The following NRXN3 variants were observed in gnomAD, a reference collection of about 807,000 sequenced individuals.
The protein encoded by NRXN3 is neurexin 3, also known as neurexin III.
Under a neutral mutation model 137.6 loss-of-function variants are expected in NRXN3, and 32 were observed. That is an observed-to-expected ratio of 0.23 (90% CI 0.18 to 0.31). The LOEUF (loss-of-function observed/expected upper bound fraction) is 0.31. Ranked by LOEUF, NRXN3 falls within the 10% of genes least tolerant of loss-of-function variation. The pLI is 1.00. For synonymous variants in NRXN3, 798 were observed against 784.5 expected (o/e 1.02, Z -0.29); for missense variants, 1,574 against 2,062.5 (o/e 0.76, Z 4.59).
At chr14:78,941,197 A>C (rs1487294172) in intron 10 of NRXN3, among the ~76,000 whole-genome samples, 1 of 152,212 alleles carries the variant, frequency 6.6e-6, no homozygotes, top group Non-Finnish European at 1.5e-5. Context: ...CTTAAAATCA[A>C]TGAGAAGTAG....
intron 10 of NRXN3, among the ~76,000 whole-genome samples, chr14:78,851,954 G>A (rs1008406910): frequency 2.6e-5 from 4 of 152,012 alleles, no homozygotes; most frequent in Admixed American, 1.3e-4. Flanking sequence ...GACCTTAATA[G>A]ACCTTTATTT....
At chr14:79,294,686 T>A (rs977868341) in intron 15 of NRXN3, among the ~76,000 whole-genome samples, 1 of 152,148 alleles carries the variant, frequency 6.6e-6, no homozygotes, top group Non-Finnish European at 1.5e-5. Flanking sequence ...GGTTCTTCAG[T>A]ATAAGAAGGA....
intron 1 of NRXN3, among the ~76,000 whole-genome samples, chr14:78,237,617 A>G (rs1489580349): frequency 1.3e-5 from 2 of 152,178 alleles, no homozygotes; most frequent in Admixed American, 6.5e-5. Context: ...CTCAAATTCA[A>G]CTTCAAGTCT....
At chr14:79,858,737 C>A (rs760796012) in intron 20 of NRXN3, among the ~76,000 whole-genome samples, 6 of 152,020 alleles carry the variant, frequency 3.9e-5, no homozygotes, top group Non-Finnish European at 8.8e-5. Flanking sequence ...CCTTCACTTC[C>A]TCTCTCTCAT....
At chr14:79,266,583 A>G (rs986021442) in intron 15 of NRXN3, among the ~76,000 whole-genome samples, 1 of 152,122 alleles carries the variant, frequency 6.6e-6, no homozygotes, top group African/African-American at 2.4e-5. Flanking sequence ...TCAAAGTATA[A>G]TTGATTTTGT....
Position 79,641,851 on chromosome 14 carries a change from A to G in NRXN3, c.3445-21927A>G, listed in dbSNP as rs2098435475. ...ATCTGCTTCATTATAGGAACATTCT[A>G]CTGGAGAAAAAAGTCTATCATTATT... is the stretch of plus-strand genomic sequence containing the variant. On this transcript the variant is annotated intron_variant, in intron 16 of 20. Coordinates refer to ENST00000335750, the MANE Select transcript of NRXN3 (RefSeq NM_001330195.2). Among the ~76,000 whole-genome samples the G allele has an allele frequency of 1.5e-5, 2 of 135,234 alleles. 1 individual carries two copies. Among genetic ancestry groups the G allele is most frequent in the Non-Finnish European group, 3.4e-5 (2 of 58,160 alleles). The allele number at this position is 135,234 out of a possible 152,430, so 88.7% of individuals were successfully genotyped here.
chr14:79,514,001 C>G (rs2096957951), intron 16 of NRXN3, among the ~76,000 whole-genome samples: 2 of 152,096 alleles, frequency 1.3e-5, no homozygotes, highest in African/African-American at 4.8e-5. Flanking sequence ...CAAATTAATA[C>G]ATAAAATACA....
intron 15 of NRXN3, among the ~76,000 whole-genome samples, chr14:79,284,728 G>A (rs1307298675): frequency 6.6e-6 from 1 of 152,032 alleles, no homozygotes; most frequent in Non-Finnish European, 1.5e-5. Flanking sequence ...AGTCTTTCTT[G>A]GACTCATTCC....
chr14:79,015,087 C>G (rs561535924), intron 15 of NRXN3, among the ~76,000 whole-genome samples: 1 of 152,118 alleles, frequency 6.6e-6, no homozygotes, highest in African/African-American at 2.4e-5. Context: ...CTCTTGGTGA[C>G]AGATGTTCCT....
chr14:78,556,816 C>A (rs2096740922), intron 4 of NRXN3, among the ~76,000 whole-genome samples: 1 of 151,768 alleles, frequency 6.6e-6, no homozygotes, highest in Non-Finnish European at 1.5e-5. Context: ...TTCTCCCTAG[C>A]AGTTGATGGT....
At chr14:79,128,884 C>T (rs879322963) in intron 15 of NRXN3, among the ~76,000 whole-genome samples, 2,216 of 151,674 alleles carry the variant, frequency 0.015, 45 homozygotes, top group African/African-American at 0.051. Context: ...AGAGATTCAA[C>T]TTCTTCCTGG....
chr14:79,702,837 C>T (rs553750464), intron 19 of NRXN3, among the ~76,000 whole-genome samples: 1 of 151,930 alleles, frequency 6.6e-6, no homozygotes, highest in African/African-American at 2.4e-5. Flanking sequence ...ACTCAGTCTA[C>T]ACTCAAATTC....
At chr14:78,250,219 A>G in intron 2 of NRXN3, 1 of 375,048 alleles carries the variant, frequency 2.7e-6, no homozygotes, top group East Asian at 7.8e-5. Context: ...CCACCATGCT[A>G]TCTTGACTCT....
At chr14:78,748,427 C>A (rs757813280) in intron 8 of NRXN3, among the ~76,000 whole-genome samples, 24 of 151,932 alleles carry the variant, frequency 1.6e-4, no homozygotes, top group African/African-American at 5.6e-4. Flanking sequence ...CCAGCGGATG[C>A]GGTAGGAAAT....
chr14:79,745,956 A>T (rs946813388), intron 19 of NRXN3, among the ~76,000 whole-genome samples: 1 of 152,082 alleles, frequency 6.6e-6, no homozygotes, highest in Middle Eastern at 3.2e-3. Context: ...GTCTCACTCA[A>T]CTCCAGTATG....
chr14:79,850,728 AC>A lies in NRXN3; in HGVS notation c.4094-10612del, dbSNP rs565447805. ...TGAAATCAGGCAGTTATTAATAAAAACCTAGTGTAGATAGCTAATGAAAGAT... is the reference window on the plus strand; with the variant it reads ...TGAAATCAGGCAGTTATTAATAAAAACTAGTGTAGATAGCTAATGAAAGAT... On this transcript the variant is annotated intron_variant, in intron 20 of 20. Transcript: ENST00000335750. Among the ~76,000 whole-genome samples, 12 of 152,294 alleles carry A rather than the reference AC, an allele frequency of 7.9e-5. No homozygotes were observed. The South Asian group carries it at 2.1e-3, about 26-fold the overall frequency.
At chr14:78,306,375 A>T (rs968106883) in intron 4 of NRXN3, among the ~76,000 whole-genome samples, 2 of 152,202 alleles carry the variant, frequency 1.3e-5, no homozygotes, top group African/African-American at 4.8e-5. Flanking sequence ...CTTAGAAGAT[A>T]TATAATTTTC....
intron 10 of NRXN3, among the ~76,000 whole-genome samples, chr14:78,850,425 A>G (rs917407369): frequency 3.3e-5 from 5 of 152,180 alleles, no homozygotes; most frequent in African/African-American, 1.2e-4. Context: ...TAACCATAGT[A>G]CATTTGAATA....
chr14:79,557,093 T>G (rs528299013), intron 16 of NRXN3, among the ~76,000 whole-genome samples: 20 of 152,214 alleles, frequency 1.3e-4, no homozygotes, highest in African/African-American at 4.8e-4. Flanking sequence ...TGGCTGGGCT[T>G]GGCTTGACTC....
Sources: gnomAD v4.1 joint callset for allele counts (sites outside exome capture counted in the v4.1 genomes callset) on GRCh38, gnomAD v4.1.1 for gene constraint, MANE v1.5 for transcripts, NCBI Gene and HGNC (gene_info 2026-07-23, HGNC 2026-07-21) for gene names.